The following GPR135 variants were observed in gnomAD, a reference collection of about 807,000 sequenced individuals.
GPR135 encodes G protein-coupled receptor 135.
GPR135 carries 17 observed loss-of-function variants against 15.0 expected under a neutral mutation model. The ratio of observed to expected loss-of-function variants is 1.13; its 90% CI spans 0.78 to 1.70. The LOEUF (loss-of-function observed/expected upper bound fraction) is 1.70, where lower values mean the gene tolerates loss of function less well. Among genes scored for constraint, GPR135 ranks in the 40% most tolerant of loss-of-function variants. The pLI is 0.00. For synonymous variants in GPR135, 368 were observed against 349.4 expected, an observed-to-expected ratio of 1.05 and a Z score of -0.59; for missense variants, 776 against 727.0, an observed-to-expected ratio of 1.07 and a Z score of -0.78.
rs750143137 is a variant in GPR135, at chr14:59,464,099, G to A, written c.1128C>T (p.Thr376=). The A allele has an allele frequency of 1.9e-6, 3 of 1,612,154 alleles. No individual in the cohort carries two copies. The highest frequency in any genetic ancestry group is 2.5e-6 in the Non-Finnish European group (3 of 1,179,998). ...SLLSVVAVWL[T]WANGAINPVI... is the part of the protein sequence containing the mutation. ...CAGGGTTGATGGCCCCATTGGCCCA[G>A]GTCAGCCAGACGGCCACCACGCTGA... The change falls in exon 1 of 1, where the codon ACC becomes ACT. Residue 376 remains threonine, a synonymous_variant. Transcript: ENST00000395116.
chr14:59,458,004 C>T (rs1047071468), downstream of GPR135, among the ~76,000 whole-genome samples: 3 of 152,206 alleles, frequency 2.0e-5, no homozygotes, highest in South Asian at 4.1e-4. Context: ...TCCAGATACA[C>T]GTTTCTACTA....
chr14:59,459,403 T>C (rs527458816), downstream of GPR135, among the ~76,000 whole-genome samples: 1 of 152,344 alleles, frequency 6.6e-6, no homozygotes. Flanking sequence ...AGAGGGGCTC[T>C]AAAGTGGTCA....
intron 6 of GPR135, among the ~76,000 whole-genome samples, chr14:59,454,422 T>G (rs887774094): frequency 6.6e-6 from 1 of 152,232 alleles, no homozygotes; most frequent in African/African-American, 2.4e-5. Flanking sequence ...AAGTATTCAC[T>G]GGATTTAGGT....
Position 59,465,341 on chromosome 14 carries a change from C to T in GPR135, c.-115G>A. ...GGCCGCCGCGGGGAGCTGGGCTCGG[C>T]CGGAGGGGTGGCGGTCGCTGGGGAC... On this transcript the variant is annotated 5_prime_UTR_variant, in exon 1 of 1. Coordinates refer to ENST00000395116, the MANE Select transcript of GPR135 (RefSeq NM_022571.6). The T allele has an allele frequency of 1.3e-6, 1 of 779,982 alleles. No homozygotes were observed. 48.3% of individuals were successfully genotyped at this position (779,982 alleles called of 1,614,324 possible).
chr14:59,464,348 C>T lies in GPR135; in HGVS notation c.879G>A (p.Met293Ile). Reference sequence around the variant, plus strand: ...TGCAGATGTGGTAGTGGCAGAAGCACATGAGCAGGAAGGGCAGCAGGTAGC... The same window carrying T: ...TGCAGATGTGGTAGTGGCAGAAGCATATGAGCAGGAAGGGCAGCAGGTAGC... ...VACYLLPFLL[M>I]CFCHYHICKT... Residue 293 changes from methionine to isoleucine, a missense_variant, in exon 1 of 1, where the codon ATG (methionine) becomes ATA (isoleucine). Transcript: ENST00000395116. The T allele has an allele frequency of 6.2e-7, 1 of 1,609,410 alleles. No homozygotes were observed. The highest frequency in any genetic ancestry group is 8.5e-7 in the Non-Finnish European group (1 of 1,178,110).
chr14:59,465,191 G>C lies in GPR135; in HGVS notation c.36C>G (p.Ser12Arg). 3 of 1,267,032 alleles carry C rather than the reference G, an allele frequency of 2.4e-6. No individual in the cohort carries two copies. Among genetic ancestry groups the C allele is most frequent in the Non-Finnish European group, 3.0e-6 (3 of 1,009,192 alleles). The allele number at this position is 1,267,032 out of a possible 1,614,324, so 78.5% of individuals were successfully genotyped here. Residue 12 changes from serine to arginine, a missense_variant, in exon 1 of 1, where the codon AGC becomes AGG. Transcript: ENST00000395116. ...EEPQPPRPPASMALLGSQHSG... is the reference protein window; with the variant it reads ...EEPQPPRPPARMALLGSQHSG... ...AGTGCTGGCTGCCCAGTAAGGCCAT[G>C]CTCGCTGGTGGGCGGGGCGGCTGCG...
rs1474216178 is a variant in GPR135, at chr14:59,464,264, C to T, written c.963G>A (p.Leu321=). The change falls in exon 1 of 1, where the codon CTG becomes CTA. Residue 321 remains leucine (L), a synonymous_variant. Transcript: ENST00000395116. ...CCGTGCGCACCTCGCTGAAGAAGCG[C>T]AGCACGCGCGCGTAGGTGTTCACCG... ...VRPVNTYARV[L]RFFSEVRTAT... 1 of 1,612,110 alleles carries T rather than the reference C, an allele frequency of 6.2e-7. No individual in the cohort carries two copies. Among genetic ancestry groups the T allele is most frequent in the Non-Finnish European group, 8.5e-7 (1 of 1,179,912 alleles).
In GPR135 at chr14:59,453,738, T is replaced by A. The variant is rs182462087; in HGVS notation, c.*874+1946A>T. Among the ~76,000 whole-genome samples, 176 of 152,326 alleles carry A rather than the reference T, an allele frequency of 1.2e-3. 1 individual carries two copies. Among genetic ancestry groups the A allele is most frequent in the Middle Eastern group, 3.4e-3 (1 of 294 alleles). On this transcript the variant is annotated intron_variant and NMD_transcript_variant, in intron 6 of 6. Transcript: ENST00000481661. ...AGGAACAGATTGGGGAAAAGGGACT[T>A]GATGATTGGCAGGTTTTAGTTGTCA...
chr14:59,455,297 A>G (rs1336950767), intron 6 of GPR135, among the ~76,000 whole-genome samples: 1 of 152,170 alleles, frequency 6.6e-6, no homozygotes. Flanking sequence ...TGTAGACCTC[A>G]GGAAGGCAGC....
rs942495326 is a variant in GPR135, at chr14:59,461,758, T to C, written c.*1984A>G. 76 of 151,842 alleles carry C rather than the reference T, an allele frequency of 5.0e-4. No individual in the cohort carries two copies. The highest frequency in any genetic ancestry group is 1.8e-3 in the African/African-American group (74 of 41,076). 9.4% of individuals were successfully genotyped at this position (151,842 alleles called of 1,614,324 possible). On this transcript the variant is annotated 3_prime_UTR_variant, in exon 1 of 1. Transcript: ENST00000395116. ...CTCTGCCCTTTATTCACAACTGTAC[T>C]TCTATTCTATGATGTCTTTTATAAT...
rs917681365 is a variant in GPR135, at chr14:59,462,815, T to C, written c.*927A>G. The C allele has an allele frequency of 6.6e-6, 1 of 152,178 alleles. No individual in the cohort carries two copies. The allele number at this position is 152,178 out of a possible 1,614,324, so 9.4% of individuals were successfully genotyped here. On this transcript the variant is annotated 3_prime_UTR_variant, in exon 1 of 1. Coordinates refer to ENST00000395116, the MANE Select transcript of GPR135 (RefSeq NM_022571.6). ...AATAAAGTGGCATCACTCACCTTAT[T>C]CAATCAACTTGACTTCAAATTACAT...
At chr14:59,456,970 A>G (rs1888674916), downstream of GPR135, among the ~76,000 whole-genome samples, 1 of 152,236 alleles carries the variant, frequency 6.6e-6, no homozygotes, top group African/African-American at 2.4e-5. Context: ...TAAAGAAACA[A>G]AAAATTAATA....
rs113423600 is a variant in GPR135, at chr14:59,463,910, C to T, written c.1317G>A (p.Gly439=). The T allele has an allele frequency of 1.2e-6, 2 of 1,614,104 alleles. No homozygotes were observed. The highest frequency in any genetic ancestry group is 1.3e-5 in the African/African-American group (1 of 75,084). Residue 439 remains glycine (G), a synonymous_variant, in exon 1 of 1, where the codon GGG becomes GGA. Coordinates refer to ENST00000395116, the MANE Select transcript of GPR135 (RefSeq NM_022571.6). The stretch of plus-strand genomic sequence containing the variant: ...TGGAAGAGGACATCCTGTTGCAGGC[C>T]CCCAGCCGGTTGGCATAGCGGTTTC... ...RLRNRYANRL[G]ACNRMSSSNP...
At chr14:59,460,311 C>T (rs1331770459), downstream of GPR135, 4 of 152,186 alleles carry the variant, frequency 2.6e-5, no homozygotes, top group African/African-American at 9.7e-5. Context: ...TGCTCAGAAA[C>T]CCTTATATGC....
chr14:59,465,274 C>T lies in GPR135; in HGVS notation c.-48G>A. On this transcript the variant is annotated 5_prime_UTR_variant, in exon 1 of 1. Coordinates refer to ENST00000395116, the MANE Select transcript of GPR135 (RefSeq NM_022571.6). ...TCTCCTCATCCCGCACCGGGGGCGG[C>T]GGCCGCTAGGTCGGAGTGGTGGCTC... The T allele has an allele frequency of 7.5e-6, 9 of 1,206,350 alleles. No homozygotes were observed. Among genetic ancestry groups the T allele is most frequent in the African/African-American group, 1.6e-5 (1 of 63,396 alleles). The allele number at this position is 1,206,350 out of a possible 1,614,324, so 74.7% of individuals were successfully genotyped here.
Position 59,463,510 on chromosome 14 carries a change from A to C in GPR135, c.*232T>G. ...GTCATTTTTGGCACTTACAGTTCAC[A>C]ATGCTTGGTTATGTGGTTTAAGATT... On this transcript the variant is annotated 3_prime_UTR_variant, in exon 1 of 1. Transcript: ENST00000395116. 1.9e-6 allele frequency: 1 copy of C among 529,838 alleles called. No individual in the cohort carries two copies. The highest frequency in any genetic ancestry group is 3.3e-6 in the Non-Finnish European group (1 of 303,866). 32.8% of individuals were successfully genotyped at this position (529,838 alleles called of 1,614,324 possible).
At chr14:59,460,347 G>A (rs1888810113), downstream of GPR135, 1 of 152,146 alleles carries the variant, frequency 6.6e-6, no homozygotes, top group African/African-American at 2.4e-5. Context: ...ATATATAGTT[G>A]TTTTCCAAAT....
chr14:59,456,724 T>G (rs1317229557), downstream of GPR135, among the ~76,000 whole-genome samples: 1 of 152,198 alleles, frequency 6.6e-6, no homozygotes. Context: ...AGAGATAACC[T>G]GTCAATCAAA....
Position 59,465,320 on chromosome 14 carries a change from G to A in GPR135, c.-94C>T. 1 of 947,176 alleles carries A rather than the reference G, an allele frequency of 1.1e-6. No individual in the cohort carries two copies. Among genetic ancestry groups the A allele is most frequent in the Non-Finnish European group, 1.4e-6 (1 of 734,332 alleles). 58.7% of individuals were successfully genotyped at this position (947,176 alleles called of 1,614,324 possible). On this transcript the variant is annotated 5_prime_UTR_variant, in exon 1 of 1. Transcript: ENST00000395116. The stretch of plus-strand genomic sequence containing the variant: ...GGCTCGGGGCCGGGGGCTAGCGGCC[G>A]CCGCGGGGAGCTGGGCTCGGCCGGA...
Sources: gnomAD v4.1 joint callset for allele counts (sites outside exome capture counted in the v4.1 genomes callset) on GRCh38, gnomAD v4.1.1 for gene constraint, MANE v1.5 for transcripts, NCBI Gene and HGNC (gene_info 2026-07-23, HGNC 2026-07-21) for gene names.